The following KLRF2 variants were observed in gnomAD, a reference collection of about 807,000 sequenced individuals.
KLRF2 encodes the protein killer cell lectin like receptor F2, also known as killer cell lectin-like receptor subfamily F member 2.
In KLRF2, 28 loss-of-function variants were observed where a neutral mutation model predicts 25.3. The observed-to-expected ratio is 1.11, with a 90% confidence interval of 0.82 to 1.52. KLRF2 has a LOEUF of 1.52. Among genes scored for constraint, KLRF2 ranks in the 40% most tolerant of loss-of-function variants. The pLI, the probability that KLRF2 is intolerant of heterozygous loss-of-function variation, is 0.00. For synonymous variants in KLRF2, 73 were observed against 85.0 expected, an observed-to-expected ratio of 0.86 and a Z score of 0.78; for missense variants, 265 against 245.8, an observed-to-expected ratio of 1.08 and a Z score of -0.52.
intron 3 of KLRF2, among the ~76,000 whole-genome samples, chr12:9,888,987 G>GA (rs893772465): frequency 6.6e-6 from 1 of 151,592 alleles, no homozygotes; most frequent in Non-Finnish European, 1.5e-5. Context: ...TTTCTAGGAG[G>GA]AAAAAAAATA....
intron 2 of KLRF2, among the ~76,000 whole-genome samples, chr12:9,886,394 G>A (rs1862597977): frequency 6.6e-6 from 1 of 152,090 alleles, no homozygotes; most frequent in Admixed American, 6.6e-5. Context: ...AGAATGGAAA[G>A]GGGAGAAAAT....
At chr12:9,888,139 A>G (rs1013251724) in intron 2 of KLRF2, among the ~76,000 whole-genome samples, 1 of 151,546 alleles carries the variant, frequency 6.6e-6, no homozygotes, top group African/African-American at 2.4e-5. Flanking sequence ...AAGTCCAGTG[A>G]AAAAAATAAT....
chr12:9,889,976 T>C (rs1862655079), intron 3 of KLRF2, among the ~76,000 whole-genome samples: 1 of 152,112 alleles, frequency 6.6e-6, no homozygotes, highest in Non-Finnish European at 1.5e-5. Flanking sequence ...TACATAAATA[T>C]ACATGAAAGT....
At chr12:9,887,880 C>T (rs1474719763) in intron 2 of KLRF2, among the ~76,000 whole-genome samples, 1 of 150,502 alleles carries the variant, frequency 6.6e-6, no homozygotes, top group Non-Finnish European at 1.5e-5. Context: ...GGTGAAACCC[C>T]GTCCCTAATA....
At chr12:9,884,228 C>T (rs1384693115) in intron 1 of KLRF2, among the ~76,000 whole-genome samples, 5 of 152,104 alleles carry the variant, frequency 3.3e-5, no homozygotes, top group Non-Finnish European at 7.4e-5. Flanking sequence ...CTTGTTTATT[C>T]CTTTATAAGG....
chr12:9,892,989 T>G (rs1029042330), intron 3 of KLRF2, 31 bp from the exon 4 acceptor site: 243 of 1,502,184 alleles, frequency 1.6e-4, no homozygotes, highest in Non-Finnish European at 2.1e-4. Context: ...GCTGTAAAGT[T>G]TAATTAATTT....
chr12:9,895,547 A>C (rs1862747018), intron 5 of KLRF2, 142 bp from the exon 6 acceptor site: 1 of 667,940 alleles, frequency 1.5e-6, no homozygotes, highest in Non-Finnish European at 2.4e-6. Flanking sequence ...AGGCTGCATT[A>C]GCAATGAAAA....
intron 2 of KLRF2, among the ~76,000 whole-genome samples, chr12:9,886,475 A>G (rs906669657): frequency 3.9e-5 from 6 of 152,184 alleles, no homozygotes; most frequent in Non-Finnish European, 8.8e-5. Context: ...TAGTTCAAAT[A>G]AAGCATAAAA....
intron 2 of KLRF2, among the ~76,000 whole-genome samples, chr12:9,888,096 G>GAAAA (rs111917558): frequency 1.9e-4 from 19 of 101,312 alleles, no homozygotes; most frequent in African/African-American, 6.7e-4. Flanking sequence ...TAATAAAAAT[G>GAAAA]AAAAAAAAAA....
At chr12:9,895,655 A>G (rs1862747942) in intron 5 of KLRF2, 34 bp from the exon 6 acceptor site, 1 of 1,489,892 alleles carries the variant, frequency 6.7e-7, no homozygotes, top group African/African-American at 1.4e-5. Context: ...TCATTTTAAG[A>G]TAAATGCTGA....
intron 5 of KLRF2, 126 bp from the exon 6 acceptor site, chr12:9,895,563 T>C (rs1193447699): frequency 2.3e-5 from 19 of 828,042 alleles, no homozygotes; most frequent in Non-Finnish European, 3.2e-5. Flanking sequence ...GAAAATTCCA[T>C]TCTAAAACCT....
intron 2 of KLRF2, 35 bp downstream of exon 2, chr12:9,885,067 C>A: frequency 1.2e-6 from 1 of 808,228 alleles, no homozygotes; most frequent in Non-Finnish European, 1.7e-6. Flanking sequence ...TGAACATTTT[C>A]AGAAGATAAA....
intron 3 of KLRF2, among the ~76,000 whole-genome samples, chr12:9,891,382 A>T (rs112596503): frequency 0.021 from 3,244 of 152,272 alleles, 50 homozygotes; most frequent in Middle Eastern, 0.044. Flanking sequence ...TTTGGACAGT[A>T]AGTGTCCACA....
chr12:9,882,824 T>G (rs1868109617), intron 1 of KLRF2, among the ~76,000 whole-genome samples: 1 of 152,114 alleles, frequency 6.6e-6, no homozygotes, highest in Non-Finnish European at 1.5e-5. Flanking sequence ...GCCCACAGAC[T>G]AAATGTATGG....
chr12:9,893,211 G>A, intron 4 of KLRF2, 43 bp downstream of exon 4: 2 of 1,505,740 alleles, frequency 1.3e-6, no homozygotes, highest in African/African-American at 2.8e-5. Flanking sequence ...AGGAAAAATG[G>A]CTTAGGTGCA....
chr12:9,888,579 A>C (rs1183686008), intron 2 of KLRF2, among the ~76,000 whole-genome samples, 154 bp from the exon 3 acceptor site: 2 of 152,206 alleles, frequency 1.3e-5, no homozygotes, highest in South Asian at 4.1e-4. Flanking sequence ...ACGTAGTTAA[A>C]TCTGGGGAAG....
intron 1 of KLRF2, among the ~76,000 whole-genome samples, chr12:9,883,099 T>A (rs905991890): frequency 3.9e-5 from 6 of 152,190 alleles, no homozygotes; most frequent in African/African-American, 1.2e-4. Flanking sequence ...ACTGTAGGCA[T>A]GTTTGTGCTT....
At chr12:9,883,605 C>G (rs1868117961) in intron 1 of KLRF2, among the ~76,000 whole-genome samples, 1 of 152,146 alleles carries the variant, frequency 6.6e-6, no homozygotes, top group Admixed American at 6.6e-5. Context: ...TTGATATTTT[C>G]TCATAAAATT....
chr12:9,892,984 A>T, intron 3 of KLRF2, 36 bp from the exon 4 acceptor site: 1 of 1,485,240 alleles, frequency 6.7e-7, no homozygotes, highest in Non-Finnish European at 9.0e-7. Flanking sequence ...TGTTGGCTGT[A>T]AAGTTTAATT....
Sources: gnomAD v4.1 joint callset for allele counts (sites outside exome capture counted in the v4.1 genomes callset) on GRCh38, gnomAD v4.1.1 for gene constraint, MANE v1.5 for transcripts, NCBI Gene and HGNC (gene_info 2026-07-23, HGNC 2026-07-21) for gene names.